ART3: variants seen among roughly 807,000 people sequenced by gnomAD.
ART3 encodes ADP-ribosyltransferase 3 (inactive).
In ART3, 49 loss-of-function variants were observed where a neutral mutation model predicts 48.5. That is an observed-to-expected ratio of 1.01 (90% CI 0.80 to 1.28). ART3 has a LOEUF of 1.28. Ranked by LOEUF, ART3 falls within the 50% of genes most tolerant of loss-of-function variation. The probability of loss-of-function intolerance (pLI) is 0.00; values close to 1 mark genes in which losing one functional copy is unlikely to be tolerated. For missense variants in ART3, 438 were observed against 454.3 expected (o/e 0.96, Z 0.33); for synonymous variants, 145 against 157.2 (o/e 0.92, Z 0.58).
intron 1 of ART3, among the ~76,000 whole-genome samples, chr4:76,015,536 A>T (rs927183208): frequency 6.6e-6 from 1 of 152,256 alleles, no homozygotes; most frequent in African/African-American, 2.4e-5. Flanking sequence ...AAAAAATTCA[A>T]TAGCTGAAAG....
rs934604328 is a variant in ART3, at chr4:76,021,131, C to T, written c.-10+9811C>T. The stretch of plus-strand genomic sequence containing the variant: ...AGGCACTTCATCTTAGTTATAATTA[C>T]TTTATTAACCTTTTGATCTTTCAAC... On this transcript the variant is annotated intron_variant, in intron 1 of 9. Transcript: ENST00000341029. The T allele has an allele frequency of 2.0e-5, 3 of 152,238 alleles. No homozygotes were observed. The South Asian group carries it at 6.2e-4, about 32-fold the overall frequency. 9.4% of individuals were successfully genotyped at this position (152,238 alleles called of 1,614,324 possible).
At chr4:76,051,024 C>T (rs970638658) in intron 1 of ART3, among the ~76,000 whole-genome samples, 5 of 152,244 alleles carry the variant, frequency 3.3e-5, no homozygotes, top group South Asian at 2.1e-4. Context: ...CCCTGGTTCC[C>T]GCTGGCGCCT....
chr4:76,111,870 A>C, intron 11 of ART3: 1 of 152,596 alleles, frequency 6.6e-6, no homozygotes, highest in South Asian at 2.1e-4. Flanking sequence ...TTTACAAAAT[A>C]TGTGCTAATC....
intron 3 of ART3, among the ~76,000 whole-genome samples, chr4:76,091,796 C>T (rs1416694141): frequency 6.6e-6 from 1 of 151,742 alleles, no homozygotes; most frequent in East Asian, 1.9e-4. Flanking sequence ...ATTCTCCTGC[C>T]TCAGTCTCCC....
intron 1 of ART3, among the ~76,000 whole-genome samples, chr4:76,069,295 G>C (rs534492174): frequency 1.2e-4 from 17 of 141,502 alleles, no homozygotes; most frequent in African/African-American, 5.2e-4. Context: ...CCCATTATAC[G>C]TCCAGCCCTA....
At chr4:76,020,125 T>C (rs74652145) in intron 1 of ART3, among the ~76,000 whole-genome samples, 1 of 151,024 alleles carries the variant, frequency 6.6e-6, no homozygotes, top group African/African-American at 2.4e-5. Flanking sequence ...TTTTTTTTTT[T>C]CTTCTTTTTT....
chr4:76,047,900 A>G (rs1181662643), intron 1 of ART3, among the ~76,000 whole-genome samples: 1 of 151,924 alleles, frequency 6.6e-6, no homozygotes, highest in East Asian at 1.9e-4. Context: ...ACATCTGTGT[A>G]CCTCTCAGGA....
intron 1 of ART3, among the ~76,000 whole-genome samples, chr4:76,055,714 G>A (rs779247550): frequency 1.4e-5 from 2 of 139,812 alleles, no homozygotes; most frequent in Non-Finnish European, 3.1e-5. Context: ...AATTAAGAAA[G>A]CTAGAGAAGG....
At chr4:76,028,801 G>A (rs1037037346) in intron 1 of ART3, among the ~76,000 whole-genome samples, 2 of 152,216 alleles carry the variant, frequency 1.3e-5, no homozygotes, top group African/African-American at 4.8e-5. Flanking sequence ...CTGAGTGCTG[G>A]CAAAGTGGGT....
At chr4:76,025,763 T>C (rs552969203) in intron 1 of ART3, among the ~76,000 whole-genome samples, 2 of 152,344 alleles carry the variant, frequency 1.3e-5, no homozygotes, top group East Asian at 1.9e-4. Context: ...TGGGTAGTAA[T>C]CCATTGCACA....
chr4:76,086,340 C>G (rs1433271257), intron 3 of ART3, among the ~76,000 whole-genome samples: 1 of 152,018 alleles, frequency 6.6e-6, no homozygotes, highest in African/African-American at 2.4e-5. Context: ...ATGGATGGAC[C>G]TGGAGGACAT....
rs557386465 is a variant in ART3, at chr4:76,015,024, T to C, written c.-10+3704T>C. Among the ~76,000 whole-genome samples, 3 of 152,324 alleles carry C rather than the reference T, an allele frequency of 2.0e-5. No individual in the cohort carries two copies. In the South Asian group the frequency reaches 6.2e-4, roughly 32 times the overall value. ...TAGACTGAAGCTAGGGGGAGTTTAT[T>C]ACTAGTAGACTTGCTCTACACAACA... On this transcript the variant is annotated intron_variant, in intron 1 of 9. Transcript: ENST00000341029.
At chr4:76,036,976 C>T (rs1734479969) in intron 1 of ART3, 1 of 180,446 alleles carries the variant, frequency 5.5e-6, no homozygotes, top group Non-Finnish European at 1.2e-5. Context: ...GGTCAGGCGC[C>T]CACAGTGGCT....
At chr4:76,095,944 C>A (rs561719978) in intron 3 of ART3, among the ~76,000 whole-genome samples, 149 of 151,778 alleles carry the variant, frequency 9.8e-4, no homozygotes, top group African/African-American at 3.1e-3. Flanking sequence ...TCTTTTGAGA[C>A]AGAGTTTTGC....
chr4:76,041,449 C>T (rs1380748990), intron 1 of ART3: 1 of 152,144 alleles, frequency 6.6e-6, no homozygotes, highest in Non-Finnish European at 1.5e-5. Context: ...GTGGTATCTT[C>T]TTGACCTTTA....
chr4:76,028,333 A>G (rs746089592), intron 1 of ART3, among the ~76,000 whole-genome samples: 1 of 152,268 alleles, frequency 6.6e-6, no homozygotes, highest in African/African-American at 2.4e-5. Flanking sequence ...TCACGTTCCT[A>G]GAATTCACTG....
intron 1 of ART3, among the ~76,000 whole-genome samples, chr4:76,031,131 T>G (rs1733836006): frequency 6.6e-6 from 1 of 152,164 alleles, no homozygotes; most frequent in Admixed American, 6.5e-5. Context: ...TAACGTTTAG[T>G]ATCAGTGAAT....
intron 3 of ART3, among the ~76,000 whole-genome samples, chr4:76,084,283 CTTTG>C (rs1311814851): frequency 2.0e-5 from 3 of 152,056 alleles, no homozygotes; most frequent in African/African-American, 7.2e-5. Context: ...TGGATTACTA[CTTTG>C]TTTGGTGTGG....
chr4:76,047,500 C>A (rs1735623800), intron 1 of ART3, among the ~76,000 whole-genome samples: 1 of 151,980 alleles, frequency 6.6e-6, no homozygotes, highest in African/African-American at 2.4e-5. Context: ...CCTCTCATAG[C>A]CGCTCGGGGA....
Sources: allele counts gnomAD v4.1 joint callset (sites outside exome capture counted in the v4.1 genomes callset), GRCh38; gene constraint gnomAD v4.1.1; transcripts MANE v1.5; gene names NCBI Gene and HGNC (gene_info 2026-07-23, HGNC 2026-07-21).